The following CTNNA2 variants were observed in gnomAD, a reference collection of about 807,000 sequenced individuals.
CTNNA2 encodes the protein catenin alpha 2.
In CTNNA2, 42 loss-of-function variants were observed where a neutral mutation model predicts 101.0. That is an observed-to-expected ratio of 0.42 (90% CI 0.32 to 0.54). The LOEUF (loss-of-function observed/expected upper bound fraction) is 0.54, where lower values mean the gene tolerates loss of function less well. Ranked by LOEUF, CTNNA2 falls within the 20% of genes least tolerant of loss-of-function variation. The pLI, the probability that CTNNA2 is intolerant of heterozygous loss-of-function variation, is 0.14. For synonymous variants in CTNNA2, 450 were observed against 456.4 expected (o/e 0.99, Z 0.18); for missense variants, 871 against 1,223.1 (o/e 0.71, Z 4.29).
At chr2:80,015,598 T>C (rs1357115660) in intron 7 of CTNNA2, among the ~76,000 whole-genome samples, 2 of 151,912 alleles carry the variant, frequency 1.3e-5, no homozygotes, top group South Asian at 2.1e-4. Context: ...GAATGGGGAG[T>C]TGGGATTTGC....
At chr2:80,009,007 A>G (rs1456271557) in intron 7 of CTNNA2, among the ~76,000 whole-genome samples, 1 of 152,212 alleles carries the variant, frequency 6.6e-6, no homozygotes, top group East Asian at 1.9e-4. Flanking sequence ...AAAACAAAAC[A>G]AAGTGAAAGA....
intron 3 of CTNNA2, among the ~76,000 whole-genome samples, chr2:79,783,114 A>T (rs1053910465): frequency 2.0e-5 from 3 of 152,082 alleles, no homozygotes; most frequent in Admixed American, 2.0e-4. Flanking sequence ...TTGACATTTT[A>T]TGTCCCTCTG....
chr2:79,734,319 C>T (rs1687382064), intron 2 of CTNNA2, among the ~76,000 whole-genome samples: 1 of 152,006 alleles, frequency 6.6e-6, no homozygotes, highest in Non-Finnish European at 1.5e-5. Context: ...CCTAGGTTGG[C>T]AATAGATCCT....
At chr2:80,121,903 G>A (rs1701856288) in intron 7 of CTNNA2, among the ~76,000 whole-genome samples, 1 of 152,122 alleles carries the variant, frequency 6.6e-6, no homozygotes, top group South Asian at 2.1e-4. Flanking sequence ...ATGCCCCTTG[G>A]AAAGATGAGG....
chr2:80,223,623 C>T lies in CTNNA2; in HGVS notation c.1057-169588C>T, dbSNP rs139223580. 2.6e-4 allele frequency among the ~76,000 whole-genome samples: 40 copies of T among 152,264 alleles called. No homozygotes were observed. In the East Asian group the frequency reaches 7.0e-3, roughly 27 times the overall value. ...TCAGTCTCCTTAAACAGCCATATCA[C>T]AGAACACTCAAGAGTTCTGTGTTCT... On this transcript the variant is annotated intron_variant, in intron 7 of 18. Transcript: ENST00000402739.
chr2:79,215,824 G>A (rs939957705), intron 2 of CTNNA2, among the ~76,000 whole-genome samples: 4 of 152,112 alleles, frequency 2.6e-5, no homozygotes, highest in Admixed American at 6.5e-5. Context: ...GAGGGGAGGT[G>A]ATAAAAGGAT....
intron 1 of CTNNA2, among the ~76,000 whole-genome samples, chr2:79,518,789 C>T (rs1163527742): frequency 3.3e-5 from 5 of 152,116 alleles, no homozygotes; most frequent in East Asian, 1.9e-4. Context: ...CAATTGTTTC[C>T]GGGAAAGGGT....
intron 7 of CTNNA2, among the ~76,000 whole-genome samples, chr2:80,041,475 C>T (rs1160510118): frequency 2.6e-5 from 4 of 152,014 alleles, no homozygotes; most frequent in Non-Finnish European, 5.9e-5. Context: ...AGAAAGCACC[C>T]AATATAACTG....
chr2:79,719,855 T>C (rs1169526988), intron 2 of CTNNA2, among the ~76,000 whole-genome samples: 1 of 152,158 alleles, frequency 6.6e-6, no homozygotes, highest in Non-Finnish European at 1.5e-5. Context: ...CTGTTTACTC[T>C]ATCTACTGTT....
intron 4 of CTNNA2, among the ~76,000 whole-genome samples, chr2:79,376,167 A>T (rs949204568): frequency 2.0e-5 from 3 of 152,186 alleles, no homozygotes; most frequent in African/African-American, 7.2e-5. Flanking sequence ...GATGAAGAGT[A>T]GAGGATGGGG....
intron 3 of CTNNA2, among the ~76,000 whole-genome samples, chr2:79,798,765 G>A (rs1675919859): frequency 6.6e-6 from 1 of 152,070 alleles, no homozygotes; most frequent in South Asian, 2.1e-4. Context: ...ACAAATTTCT[G>A]AAAGACAGGG....
At chr2:80,134,558 G>A (rs1702589354) in intron 7 of CTNNA2, among the ~76,000 whole-genome samples, 1 of 152,164 alleles carries the variant, frequency 6.6e-6, no homozygotes, top group African/African-American at 2.4e-5. Flanking sequence ...GAGGAAGTGG[G>A]TATTATTCAG....
chr2:79,938,072 T>C (rs980679034), intron 7 of CTNNA2, among the ~76,000 whole-genome samples: 1 of 152,094 alleles, frequency 6.6e-6, no homozygotes, highest in Non-Finnish European at 1.5e-5. Flanking sequence ...AGAAAACACA[T>C]GGAAAAAAGC....
intron 7 of CTNNA2, among the ~76,000 whole-genome samples, chr2:80,105,050 G>A (rs780181034): frequency 6.6e-6 from 1 of 152,116 alleles, no homozygotes; most frequent in Non-Finnish European, 1.5e-5. Flanking sequence ...TGAAAGTTTC[G>A]TGCTTCTTCA....
intron 1 of CTNNA2, among the ~76,000 whole-genome samples, chr2:79,613,252 G>A (rs1027667163): frequency 6.6e-6 from 1 of 151,768 alleles, no homozygotes; most frequent in Non-Finnish European, 1.5e-5. Context: ...TCAACCTCAG[G>A]AAGTCATATC....
At chr2:80,337,441 C>G (rs1466875699) in intron 7 of CTNNA2, among the ~76,000 whole-genome samples, 13 of 151,798 alleles carry the variant, frequency 8.6e-5, no homozygotes, top group Admixed American at 7.9e-4. Flanking sequence ...TAGGAATGCT[C>G]TATTTGACTA....
chr2:79,333,350 G>A (rs1295971748), intron 3 of CTNNA2, among the ~76,000 whole-genome samples: 1 of 152,098 alleles, frequency 6.6e-6, no homozygotes, highest in Non-Finnish European at 1.5e-5. Flanking sequence ...AGCCTACACA[G>A]GTCCCAGTAC....
chr2:79,918,093 GA>G (rs5832420), intron 7 of CTNNA2, among the ~76,000 whole-genome samples: 23,996 of 151,940 alleles, frequency 0.16, 2,506 homozygotes, highest in East Asian at 0.41. Flanking sequence ...TCATTGCGGT[GA>G]AAAAACAGTA....
At chr2:79,587,897 A>G (rs894528559) in intron 1 of CTNNA2, among the ~76,000 whole-genome samples, 1 of 152,182 alleles carries the variant, frequency 6.6e-6, no homozygotes, top group Non-Finnish European at 1.5e-5. Flanking sequence ...TATGCTCACA[A>G]TCTGGCCCAG....
Sources: gnomAD v4.1 joint callset for allele counts (sites outside exome capture counted in the v4.1 genomes callset) on GRCh38, gnomAD v4.1.1 for gene constraint, MANE v1.5 for transcripts, NCBI Gene and HGNC (gene_info 2026-07-23, HGNC 2026-07-21) for gene names.